The following SNAP47 variants were observed in gnomAD, a reference collection of about 807,000 sequenced individuals.
The protein encoded by SNAP47 is synaptosomal-associated protein 47.
In SNAP47, 20 loss-of-function variants were observed where a neutral mutation model predicts 31.4. The observed-to-expected ratio is 0.64, with a 90% confidence interval of 0.45 to 0.93. The LOEUF (loss-of-function observed/expected upper bound fraction) is 0.93, where lower values mean the gene tolerates loss of function less well. SNAP47 is among the 40% of genes least tolerant of loss of function. The pLI is 0.00. For synonymous variants in SNAP47, 194 were observed against 213.4 expected, an observed-to-expected ratio of 0.91 and a Z score of 0.79; for missense variants, 492 against 528.5, an observed-to-expected ratio of 0.93 and a Z score of 0.68.
At chr1:227,780,423 G>T in intron 4 of SNAP47, 104 bp from the exon 5 acceptor site, 1 of 1,497,634 alleles carries the variant, frequency 6.7e-7, no homozygotes, top group Non-Finnish European at 9.0e-7. Flanking sequence ...GCATCACCCA[G>T]GTGGTAACGC....
chr1:227,732,924 C>T (rs1451073601), upstream of SNAP47: 2 of 1,613,088 alleles, frequency 1.2e-6, no homozygotes, highest in Non-Finnish European at 1.7e-6. Context: ...CCTCCACTCG[C>T]TGACCTCCTC....
At chr1:227,745,223 C>G (rs1661883545) in intron 1 of SNAP47, among the ~76,000 whole-genome samples, 1 of 152,044 alleles carries the variant, frequency 6.6e-6, no homozygotes. Flanking sequence ...ACAGAAATAC[C>G]AACGAATCAA....
At position 227,780,558 on chromosome 1, in the gene SNAP47, A is replaced by C. The variant is rs766295688; in HGVS notation, c.1145A>C (p.Glu382Ala). ...AGGAGGATGAAGGGGCTGGCCCTGGAGGCCGAGAGTGAGCTGGAGAGACAA... is the reference window on the plus strand; with the variant it reads ...AGGAGGATGAAGGGGCTGGCCCTGGCGGCCGAGAGTGAGCTGGAGAGACAA... ...ILRRMKGLAL[E>A]AESELERQDE... Residue 382 changes from glutamate to alanine, a missense_variant, in exon 5 of 5, where the codon GAG becomes GCG. Transcript: ENST00000617596. 6.2e-6 allele frequency: 10 copies of C among 1,614,142 alleles called. No individual in the cohort carries two copies. In the South Asian group the frequency reaches 7.7e-5, roughly 12 times the overall value.
chr1:227,749,459 T>A (rs1662201806), intron 2 of SNAP47, among the ~76,000 whole-genome samples: 1 of 152,186 alleles, frequency 6.6e-6, no homozygotes, highest in Non-Finnish European at 1.5e-5. Flanking sequence ...CACATGGACT[T>A]GTGCCTGCGT....
chr1:227,751,531 G>T (rs1247824719), intron 2 of SNAP47, among the ~76,000 whole-genome samples: 1 of 152,160 alleles, frequency 6.6e-6, no homozygotes, highest in Non-Finnish European at 1.5e-5. Flanking sequence ...ACTGCAGGTC[G>T]CAGTGTCGGA....
rs147754469 is a variant in SNAP47, at chr1:227,767,335, C to A, written c.1113+252C>A. ...CACATTCCTATGCACACACAGCTGC[C>A]CTGGCTACCACCTGCACCCATTGTA... On this transcript the variant is annotated intron_variant, in intron 4 of 4. Coordinates refer to ENST00000617596, the MANE Select transcript of SNAP47 (RefSeq NM_053052.4). Among the ~76,000 whole-genome samples, 25 of 152,312 alleles carry A rather than the reference C, an allele frequency of 1.6e-4. No individual in the cohort carries two copies. In the East Asian group the frequency reaches 4.8e-3, roughly 29 times the overall value.
At chr1:227,779,811 G>T (rs1472545526) in intron 4 of SNAP47, among the ~76,000 whole-genome samples, 1 of 152,176 alleles carries the variant, frequency 6.6e-6, no homozygotes, top group Admixed American at 6.5e-5. Context: ...CTGCAACCAG[G>T]GGACACATCT....
chr1:227,738,520 A>G (rs1050169488), intron 1 of SNAP47, among the ~76,000 whole-genome samples: 1 of 152,212 alleles, frequency 6.6e-6, no homozygotes, highest in African/African-American at 2.4e-5. Context: ...TCCATCGTGT[A>G]TAATATACAT....
chr1:227,755,616 G>A (rs1175462576), intron 2 of SNAP47, among the ~76,000 whole-genome samples: 5 of 151,974 alleles, frequency 3.3e-5, no homozygotes, highest in Non-Finnish European at 7.4e-5. Flanking sequence ...TGAACTCCTG[G>A]GCCTCAAGTA....
intron 1 of SNAP47, among the ~76,000 whole-genome samples, chr1:227,738,702 A>G (rs1480107006): frequency 6.6e-6 from 1 of 152,162 alleles, no homozygotes; most frequent in African/African-American, 2.4e-5. Flanking sequence ...CATGCAGATC[A>G]TGGGAGGCCA....
chr1:227,771,187 T>C (rs181401242), intron 4 of SNAP47, among the ~76,000 whole-genome samples: 70 of 152,320 alleles, frequency 4.6e-4, no homozygotes, highest in African/African-American at 1.5e-3. Flanking sequence ...GCTGTTCATG[T>C]CAAGTGTTCA....
chr1:227,757,625 A>T (rs932851074), intron 2 of SNAP47, among the ~76,000 whole-genome samples: 2 of 152,256 alleles, frequency 1.3e-5, no homozygotes, highest in African/African-American at 4.8e-5. Flanking sequence ...TACTGAAGCC[A>T]ACGGCAGGTC....
chr1:227,768,503 G>A (rs76266389), intron 4 of SNAP47: 3,629 of 195,116 alleles, frequency 0.019, 47 homozygotes, highest in East Asian at 0.046. Flanking sequence ...CTTACTTTAC[G>A]TGTCTGTGTA....
intron 1 of SNAP47, chr1:227,736,254 TGGTG>T (rs1231107455): frequency 1.3e-5 from 2 of 151,928 alleles, no homozygotes; most frequent in Admixed American, 6.6e-5. Context: ...CTGGAGAAGA[TGGTG>T]GGGAATGAGG....
upstream of SNAP47, chr1:227,731,976 AC>A: frequency 4.3e-6 from 1 of 232,492 alleles, no homozygotes; most frequent in Non-Finnish European, 8.6e-6. Flanking sequence ...CACTGCTCCA[AC>A]CCCTCCCTGA....
intron 3 of SNAP47, among the ~76,000 whole-genome samples, chr1:227,766,617 C>T (rs1663418705): frequency 6.6e-6 from 1 of 152,244 alleles, no homozygotes; most frequent in Non-Finnish European, 1.5e-5. Context: ...TGCAGTTCCC[C>T]AGTCGTGTGT....
At chr1:227,751,668 C>T (rs967361964) in intron 2 of SNAP47, among the ~76,000 whole-genome samples, 1 of 138,888 alleles carries the variant, frequency 7.2e-6, no homozygotes, top group African/African-American at 2.7e-5. Flanking sequence ...AAGAAAAAGA[C>T]AAATCTGACA....
intron 4 of SNAP47, among the ~76,000 whole-genome samples, chr1:227,779,456 G>A (rs1664339571): frequency 6.6e-6 from 1 of 152,194 alleles, no homozygotes; most frequent in African/African-American, 2.4e-5. Flanking sequence ...AACCAGAGGA[G>A]CTGTAGGGGC....
Position 227,742,179 on chromosome 1 carries a change from C to G in SNAP47, c.-45-5513C>G, listed in dbSNP as rs150894581. ...ATATCTCCTAATGCTATCCCTCCCC[C>G]CTGCCCCTAGCCCACAACAGTCCCC... On this transcript the variant is annotated intron_variant, in intron 1 of 4. Coordinates refer to ENST00000617596, the MANE Select transcript of SNAP47 (RefSeq NM_053052.4). Among the ~76,000 whole-genome samples, 1,062 of 152,220 alleles carry G rather than the reference C, an allele frequency of 7.0e-3. 7 individuals carry two copies. Among genetic ancestry groups the G allele is most frequent in the African/African-American group, 0.021 (865 of 41,532 alleles).
Sources: allele counts gnomAD v4.1 joint callset (sites outside exome capture counted in the v4.1 genomes callset), GRCh38; gene constraint gnomAD v4.1.1; transcripts MANE v1.5; gene names NCBI Gene and HGNC (gene_info 2026-07-23, HGNC 2026-07-21).